TMEM132D: variants seen among roughly 807,000 people sequenced by gnomAD.
The protein encoded by TMEM132D is mature OL transmembrane protein.
In TMEM132D, 21 loss-of-function variants were observed where a neutral mutation model predicts 62.3. The ratio of observed to expected loss-of-function variants is 0.34; its 90% confidence interval spans 0.24 to 0.49. The LOEUF is 0.49. Among genes scored for constraint, TMEM132D ranks in the 20% least tolerant of loss-of-function variants. TMEM132D has a pLI of 0.99. For synonymous variants in TMEM132D, 621 were observed against 575.6 expected, an observed-to-expected ratio of 1.08 and a Z score of -1.13; for missense variants, 1,346 against 1,402.8, an observed-to-expected ratio of 0.96 and a Z score of 0.65.
intron 1 of TMEM132D, among the ~76,000 whole-genome samples, chr12:129,813,987 A>C (rs1872270610): frequency 6.6e-6 from 1 of 152,220 alleles, no homozygotes; most frequent in Non-Finnish European, 1.5e-5. Context: ...GAAATTTGTC[A>C]TATCTTTTAA....
chr12:129,285,320 A>G (rs1238345319), intron 4 of TMEM132D, among the ~76,000 whole-genome samples: 2 of 150,808 alleles, frequency 1.3e-5, no homozygotes, highest in African/African-American at 2.4e-5. Context: ...GGAATTCAAG[A>G]CCAGCCTGGC....
chr12:129,180,114 C>A (rs543421796), intron 5 of TMEM132D, among the ~76,000 whole-genome samples: 1 of 152,146 alleles, frequency 6.6e-6, no homozygotes, highest in Non-Finnish European at 1.5e-5. Context: ...TGGACACCTG[C>A]CACATGCTGG....
intron 2 of TMEM132D, among the ~76,000 whole-genome samples, chr12:129,652,305 A>ATTCG (rs1879949170): frequency 6.6e-6 from 1 of 152,212 alleles, no homozygotes; most frequent in Admixed American, 6.5e-5. Flanking sequence ...TCATTCATTC[A>ATTCG]TTCGTTCAGC....
At chr12:129,409,696 A>G (rs926266197) in intron 3 of TMEM132D, among the ~76,000 whole-genome samples, 3 of 152,266 alleles carry the variant, frequency 2.0e-5, no homozygotes, top group Non-Finnish European at 4.4e-5. Context: ...GAGTGTGAAA[A>G]CAAGAGGTAC....
intron 3 of TMEM132D, among the ~76,000 whole-genome samples, chr12:129,391,201 C>T (rs895417976): frequency 2.0e-5 from 3 of 152,070 alleles, no homozygotes; most frequent in Non-Finnish European, 4.4e-5. Context: ...TTTCCTCACA[C>T]GATGATAACA....
intron 2 of TMEM132D, among the ~76,000 whole-genome samples, chr12:129,605,355 C>A (rs1310889470): frequency 2.0e-5 from 3 of 151,934 alleles, no homozygotes; most frequent in Non-Finnish European, 2.9e-5. Context: ...AAGGAAGAGG[C>A]AACTTATTCT....
chr12:129,447,173 A>G (rs1300497237), intron 3 of TMEM132D, among the ~76,000 whole-genome samples: 1 of 151,974 alleles, frequency 6.6e-6, no homozygotes, highest in Non-Finnish European at 1.5e-5. Context: ...CACACTCTCA[A>G]TTTGCTTTTC....
At chr12:129,506,950 C>A (rs1875350564) in intron 3 of TMEM132D, among the ~76,000 whole-genome samples, 1 of 152,132 alleles carries the variant, frequency 6.6e-6, no homozygotes, top group African/African-American at 2.4e-5. Flanking sequence ...TCTTCACAAT[C>A]TACACATCTG....
At chr12:129,320,157 A>G (rs146374020) in intron 4 of TMEM132D, among the ~76,000 whole-genome samples, 1 of 152,306 alleles carries the variant, frequency 6.6e-6, no homozygotes, top group East Asian at 1.9e-4. Context: ...GCTGAAAATG[A>G]TCTGCTAAAG....
chr12:129,244,313 G>A (rs1277735192), intron 4 of TMEM132D, among the ~76,000 whole-genome samples: 1 of 150,414 alleles, frequency 6.6e-6, no homozygotes, highest in Non-Finnish European at 1.5e-5. Flanking sequence ...GTGAGCCCGG[G>A]AGGCGGAGCT....
intron 2 of TMEM132D, among the ~76,000 whole-genome samples, chr12:129,550,177 G>A (rs1876855049): frequency 6.6e-6 from 1 of 152,194 alleles, no homozygotes; most frequent in South Asian, 2.1e-4. Flanking sequence ...AGCACTGGAT[G>A]AAAAGGCAGA....
intron 3 of TMEM132D, among the ~76,000 whole-genome samples, chr12:129,514,340 C>T (rs775486340): frequency 1.3e-5 from 2 of 152,114 alleles, no homozygotes; most frequent in Non-Finnish European, 2.9e-5. Flanking sequence ...GATTTTCTGT[C>T]ACTTTCAATA....
intron 3 of TMEM132D, among the ~76,000 whole-genome samples, chr12:129,464,790 G>A (rs1054697850): frequency 5.3e-5 from 8 of 152,012 alleles, no homozygotes; most frequent in African/African-American, 1.2e-4. Context: ...GTAGATATGC[G>A]GCGTTATATC....
rs577801171 is a variant in TMEM132D at position 129,478,394 on chromosome 12, C to G, written c.1115+52665G>C. Reference sequence around the variant, plus strand: ...ACTGGGTGATAGGAATGTTTTGGTTCCATTATAACCTTACGGAACCACCAT... The same window carrying G: ...ACTGGGTGATAGGAATGTTTTGGTTGCATTATAACCTTACGGAACCACCAT... On this transcript the variant is annotated intron_variant, in intron 3 of 8. Transcript: ENST00000422113. 5.3e-5 allele frequency among the ~76,000 whole-genome samples: 8 copies of G among 152,308 alleles called. No individual in the cohort carries two copies. In the South Asian group the frequency reaches 1.7e-3, roughly 32 times the overall value.
chr12:129,719,988 C>A (rs947309603), intron 1 of TMEM132D, among the ~76,000 whole-genome samples: 1 of 151,558 alleles, frequency 6.6e-6, no homozygotes, highest in Admixed American at 6.6e-5. Context: ...AAATCTCAAG[C>A]GGGCCATTAA....
At chr12:129,626,722 C>A (rs2137163832) in intron 2 of TMEM132D, among the ~76,000 whole-genome samples, 1 of 152,266 alleles carries the variant, frequency 6.6e-6, no homozygotes, top group East Asian at 1.9e-4. Context: ...CCCATAAGTG[C>A]TGGAATTACA....
chr12:129,818,709 C>T (rs1872451182), intron 1 of TMEM132D, among the ~76,000 whole-genome samples: 1 of 143,626 alleles, frequency 7.0e-6, no homozygotes, highest in African/African-American at 2.5e-5. Flanking sequence ...TATGCACCTG[C>T]ACACACAGAC....
chr12:129,080,846 C>T (rs1038267885), intron 7 of TMEM132D, among the ~76,000 whole-genome samples: 1 of 152,142 alleles, frequency 6.6e-6, no homozygotes, highest in African/African-American at 2.4e-5. Flanking sequence ...TTACAAGCCT[C>T]CCAGAACACT....
At chr12:129,582,705 G>A (rs1479531536) in intron 2 of TMEM132D, among the ~76,000 whole-genome samples, 2 of 148,734 alleles carry the variant, frequency 1.3e-5, no homozygotes, top group African/African-American at 2.5e-5. Context: ...TGCAACCTCC[G>A]CCTCCCGGGT....
Sources: gnomAD v4.1 joint callset for allele counts (sites outside exome capture counted in the v4.1 genomes callset) on GRCh38, gnomAD v4.1.1 for gene constraint, MANE v1.5 for transcripts, NCBI Gene and HGNC (gene_info 2026-07-23, HGNC 2026-07-21) for gene names.